LYPLAL1: variants seen among roughly 807,000 people sequenced by gnomAD.
LYPLAL1 encodes lysophospholipase like 1.
LYPLAL1 carries 23 observed loss-of-function variants against 19.7 expected under a neutral mutation model. That is an observed-to-expected ratio of 1.17 (90% CI 0.84 to 1.65). The LOEUF (loss-of-function observed/expected upper bound fraction) is 1.65. Among genes scored for constraint, LYPLAL1 ranks in the 40% most tolerant of loss-of-function variants. LYPLAL1 has a pLI of 0.00. For synonymous variants in LYPLAL1, 119 were observed against 96.3 expected (o/e 1.24, Z -1.38); for missense variants, 355 against 279.4 (o/e 1.27, Z -1.93).
chr1:219,269,517 A>G, the LYPLAL1 span, among the ~76,000 whole-genome samples: 1 of 152,356 alleles, frequency 6.6e-6, no homozygotes, highest in African/African-American at 2.4e-5. Context: ...CAAAAATCTG[A>G]TTAATATTCT....
chr1:219,239,777 C>A, the LYPLAL1 span, among the ~76,000 whole-genome samples: 6 of 152,150 alleles, frequency 3.9e-5, no homozygotes, highest in Admixed American at 2.6e-4. Context: ...CATATTTAGG[C>A]CTGGAATAAA....
chr1:219,332,464 C>T, the LYPLAL1 span, among the ~76,000 whole-genome samples: 1 of 152,092 alleles, frequency 6.6e-6, no homozygotes, highest in Non-Finnish European at 1.5e-5. Flanking sequence ...TCCTGATCTA[C>T]AGAATTCTGA....
the LYPLAL1 span, among the ~76,000 whole-genome samples, chr1:219,295,870 C>G: frequency 6.6e-6 from 1 of 152,124 alleles, no homozygotes; most frequent in East Asian, 1.9e-4. Flanking sequence ...CAGCACCTTC[C>G]GCTAAATCCC....
the LYPLAL1 span, among the ~76,000 whole-genome samples, chr1:219,246,381 T>C: frequency 6.6e-6 from 1 of 152,148 alleles, no homozygotes; most frequent in African/African-American, 2.4e-5. Flanking sequence ...CAATCGGCTT[T>C]ATTAGTACTA....
At chr1:219,235,161 A>T in the LYPLAL1 span, among the ~76,000 whole-genome samples, 1 of 152,182 alleles carries the variant, frequency 6.6e-6, no homozygotes, top group African/African-American at 2.4e-5. Flanking sequence ...TGACTGCAGA[A>T]CACATGCTTT....
the LYPLAL1 span, among the ~76,000 whole-genome samples, chr1:219,218,288 A>C: frequency 6.6e-6 from 1 of 152,102 alleles, no homozygotes; most frequent in Admixed American, 6.6e-5. Context: ...TATTTAAACA[A>C]TGTCTTCATT....
chr1:219,411,195 C>G, the LYPLAL1 span, among the ~76,000 whole-genome samples: 1 of 121,776 alleles, frequency 8.2e-6, no homozygotes, highest in African/African-American at 2.9e-5. Flanking sequence ...GTGTTTAGCT[C>G]AAGGTTTGTC....
At chr1:219,174,319 A>G in intron 1 of LYPLAL1, 1 of 1,152,500 alleles carries the variant, frequency 8.7e-7, no homozygotes, top group East Asian at 5.2e-5. Context: ...GTCTTCTGCT[A>G]GAGGGAAATT....
chr1:219,174,093 G>A, intron 1 of LYPLAL1, 112 bp downstream of exon 1: 2 of 1,512,830 alleles, frequency 1.3e-6, no homozygotes. Context: ...GGGCCCAGTG[G>A]GTGGCTCCCC....
the LYPLAL1 span, among the ~76,000 whole-genome samples, chr1:219,436,645 A>G: frequency 0.044 from 6,644 of 152,248 alleles, 230 homozygotes; most frequent in African/African-American, 0.098. Flanking sequence ...CACAGGGCTC[A>G]GATTTGGGGT....
At chr1:219,254,178 G>A in the LYPLAL1 span, among the ~76,000 whole-genome samples, 23 of 151,858 alleles carry the variant, frequency 1.5e-4, no homozygotes, top group Non-Finnish European at 2.8e-4. Flanking sequence ...GTGTCATTAC[G>A]TTTGAGACGG....
At chr1:219,433,889 C>T in the LYPLAL1 span, among the ~76,000 whole-genome samples, 1 of 152,190 alleles carries the variant, frequency 6.6e-6, no homozygotes, top group South Asian at 2.1e-4. Flanking sequence ...CGAATGAATG[C>T]ACTTGGTAAA....
the LYPLAL1 span, among the ~76,000 whole-genome samples, chr1:219,412,198 G>A: frequency 6.6e-6 from 1 of 152,008 alleles, no homozygotes; most frequent in East Asian, 1.9e-4. Flanking sequence ...ACCATACCCA[G>A]CTAATTTTTT....
the LYPLAL1 span, among the ~76,000 whole-genome samples, chr1:219,235,942 G>A: frequency 3.3e-5 from 5 of 152,258 alleles, no homozygotes; most frequent in African/African-American, 9.6e-5. Context: ...TCATTATAGT[G>A]AGCTTAAATA....
chr1:219,425,487 A>T, the LYPLAL1 span, among the ~76,000 whole-genome samples: 1 of 152,164 alleles, frequency 6.6e-6, no homozygotes, highest in Non-Finnish European at 1.5e-5. Flanking sequence ...ACATAGTTTA[A>T]AATCATATAT....
At chr1:219,405,826 C>T in the LYPLAL1 span, among the ~76,000 whole-genome samples, 12 of 152,322 alleles carry the variant, frequency 7.9e-5, no homozygotes, top group East Asian at 2.3e-3. Flanking sequence ...AGAGCCTGCC[C>T]TGATTGCTTC....
the LYPLAL1 span, among the ~76,000 whole-genome samples, chr1:219,300,328 GT>G: frequency 6.6e-6 from 1 of 152,094 alleles, no homozygotes; most frequent in South Asian, 2.1e-4. Flanking sequence ...GAAAAGTATG[GT>G]TAAATTATTA....
the LYPLAL1 span, among the ~76,000 whole-genome samples, chr1:219,315,276 A>G: frequency 6.6e-5 from 10 of 152,338 alleles, no homozygotes; most frequent in South Asian, 6.2e-4. Context: ...CAGGATTCAT[A>G]TAAATTTTGA....
intron 1 of LYPLAL1, among the ~76,000 whole-genome samples, chr1:219,177,407 TC>T (rs1558217326): frequency 6.6e-6 from 1 of 152,174 alleles, no homozygotes; most frequent in Non-Finnish European, 1.5e-5. Flanking sequence ...TCTTAGCTTA[TC>T]CTCCTTAAGG....
Sources: allele counts gnomAD v4.1 joint callset (sites outside exome capture counted in the v4.1 genomes callset), GRCh38; gene constraint gnomAD v4.1.1; transcripts MANE v1.5; gene names NCBI Gene and HGNC (gene_info 2026-07-23, HGNC 2026-07-21).